Variants in TENM4 observed in about 807,000 individuals in gnomAD.
TENM4 encodes the protein teneurin-4.
A neutral mutation model predicts 243.3 loss-of-function variants in TENM4; 82 were observed. That is an observed-to-expected ratio of 0.34 (90% CI 0.28 to 0.40). The LOEUF is 0.40. TENM4 is among the 10% of genes least tolerant of loss of function. The pLI, the probability that TENM4 is intolerant of heterozygous loss-of-function variation, is 1.00. For synonymous variants in TENM4, 1,412 were observed against 1,456.3 expected (o/e 0.97, Z 0.69); for missense variants, 3,138 against 3,673.3 (o/e 0.85, Z 3.77).
intron 12 of TENM4, among the ~76,000 whole-genome samples, chr11:78,827,020 G>A (rs985040564): frequency 6.6e-6 from 1 of 152,104 alleles, no homozygotes; most frequent in African/African-American, 2.4e-5. Context: ...CTTTTATGCT[G>A]TTGCCATATT....
chr11:79,130,183 G>A (rs912090250), intron 4 of TENM4, among the ~76,000 whole-genome samples: 1 of 152,162 alleles, frequency 6.6e-6, no homozygotes. Flanking sequence ...CATAGGAAAA[G>A]GGGGAGAGTA....
chr11:79,135,152 A>G (rs954504451), intron 4 of TENM4, among the ~76,000 whole-genome samples: 1 of 152,122 alleles, frequency 6.6e-6, no homozygotes, highest in Non-Finnish European at 1.5e-5. Flanking sequence ...CAGTAAGCAA[A>G]AAACAAATAA....
At chr11:78,802,205 T>A (rs922982715) in intron 15 of TENM4, among the ~76,000 whole-genome samples, 4 of 152,210 alleles carry the variant, frequency 2.6e-5, no homozygotes, top group African/African-American at 9.7e-5. Flanking sequence ...TTTCACTCAA[T>A]GAAAGTGCCC....
intron 1 of TENM4, among the ~76,000 whole-genome samples, chr11:79,429,346 A>G (rs890483526): frequency 2.6e-5 from 4 of 152,022 alleles, no homozygotes; most frequent in Admixed American, 2.0e-4. Flanking sequence ...CTCCTCCCCA[A>G]TAAACACCTG....
intron 22 of TENM4, among the ~76,000 whole-genome samples, chr11:78,727,445 AAAAG>A (rs1855542029): frequency 6.6e-6 from 1 of 152,108 alleles, no homozygotes; most frequent in South Asian, 2.1e-4. Flanking sequence ...AAAAAAAAAA[AAAAG>A]AAATTATGTA....
At chr11:79,249,987 A>C (rs923192610) in intron 2 of TENM4, among the ~76,000 whole-genome samples, 2 of 151,970 alleles carry the variant, frequency 1.3e-5, no homozygotes, top group African/African-American at 2.4e-5. Flanking sequence ...CCCTGCACTA[A>C]TTTTCTTTTC....
At chr11:79,300,144 C>CT in intron 1 of TENM4, among the ~76,000 whole-genome samples, 1 of 152,070 alleles carries the variant, frequency 6.6e-6, no homozygotes, top group South Asian at 2.1e-4. Flanking sequence ...AGTTTGTTTT[C>CT]TTTTTTTAAA....
chr11:78,687,020 G>A (rs551689376), intron 29 of TENM4, among the ~76,000 whole-genome samples: 5 of 152,196 alleles, frequency 3.3e-5, no homozygotes, highest in Non-Finnish European at 7.3e-5. Context: ...CTTGGCTCAT[G>A]CTAGTCACTA....
At chr11:79,004,941 C>CAAAAAAAAAAAA (rs58631195) in intron 6 of TENM4, among the ~76,000 whole-genome samples, 7 of 87,800 alleles carry the variant, frequency 8.0e-5, no homozygotes, top group East Asian at 3.8e-4. Context: ...ATAGAAATAC[C>CAAAAAAAAAAAA]AAAAAAAAAA....
intron 3 of TENM4, among the ~76,000 whole-genome samples, chr11:79,204,246 A>G (rs1402116090): frequency 1.3e-5 from 2 of 152,206 alleles, no homozygotes; most frequent in Non-Finnish European, 2.9e-5. Context: ...TGAATTGTAC[A>G]CTTTAAATGA....
chr11:78,877,528 T>C (rs1016754977), intron 9 of TENM4, among the ~76,000 whole-genome samples: 3 of 152,192 alleles, frequency 2.0e-5, no homozygotes, highest in Non-Finnish European at 4.4e-5. Flanking sequence ...GCTAAAAATC[T>C]ATAAAATCAA....
intron 6 of TENM4, 49 bp downstream of exon 6, chr11:79,064,689 C>A (rs764182049): frequency 2.6e-6 from 4 of 1,547,000 alleles, no homozygotes; most frequent in Non-Finnish European, 3.5e-6. Flanking sequence ...TAAATAAAAC[C>A]CCAGCCCCAC....
intron 6 of TENM4, among the ~76,000 whole-genome samples, chr11:79,034,668 C>A (rs766373910): frequency 6.6e-6 from 1 of 152,186 alleles, no homozygotes; most frequent in East Asian, 1.9e-4. Context: ...CTGTAAGATG[C>A]TAACGGGTGC....
intron 3 of TENM4, among the ~76,000 whole-genome samples, chr11:79,200,997 A>G (rs1470590543): frequency 6.6e-6 from 1 of 152,208 alleles, no homozygotes; most frequent in African/African-American, 2.4e-5. Flanking sequence ...CAGCTTTCTG[A>G]CATTATTGAA....
intron 6 of TENM4, among the ~76,000 whole-genome samples, chr11:78,969,265 AG>A: frequency 6.6e-6 from 1 of 152,272 alleles, no homozygotes; most frequent in Non-Finnish European, 1.5e-5. Flanking sequence ...TATCAAAAAA[AG>A]GGGCAATGTG....
At chr11:78,854,064 G>A in intron 12 of TENM4, 40 bp downstream of exon 12, 1 of 1,529,236 alleles carries the variant, frequency 6.5e-7, no homozygotes, top group Non-Finnish European at 8.8e-7. Context: ...GACCAAAAGA[G>A]ACAATATCCC....
intron 4 of TENM4, among the ~76,000 whole-genome samples, chr11:79,115,056 C>T (rs1322246729): frequency 1.3e-5 from 2 of 151,994 alleles, no homozygotes; most frequent in African/African-American, 4.8e-5. Flanking sequence ...AATAACTAAA[C>T]AATTATCTAT....
chr11:79,256,971 G>T (rs1855711381), intron 2 of TENM4, among the ~76,000 whole-genome samples: 1 of 152,172 alleles, frequency 6.6e-6, no homozygotes, highest in Admixed American at 6.5e-5. Flanking sequence ...CAGTGACAAA[G>T]TCTTCCTGTA....
chr11:79,364,307 C>T (rs146116676), intron 1 of TENM4, among the ~76,000 whole-genome samples: 1,747 of 152,286 alleles, frequency 0.011, 30 homozygotes, highest in African/African-American at 0.04. Flanking sequence ...CAGCACCCCC[C>T]GGCCCAATGG....
Sources: allele counts gnomAD v4.1 joint callset (sites outside exome capture counted in the v4.1 genomes callset), GRCh38; gene constraint gnomAD v4.1.1; transcripts MANE v1.5; gene names NCBI Gene and HGNC (gene_info 2026-07-23, HGNC 2026-07-21).